HEATR1: variants seen among roughly 807,000 people sequenced by gnomAD.
The protein encoded by HEATR1 is HEAT repeat containing 1.
Under a neutral mutation model 248.2 loss-of-function variants are expected in HEATR1, and 77 were observed. The ratio of observed to expected loss-of-function variants is 0.31; its 90% confidence interval spans 0.26 to 0.37. The LOEUF (loss-of-function observed/expected upper bound fraction) is 0.37. Among genes scored for constraint, HEATR1 ranks in the 10% least tolerant of loss-of-function variants. The probability of loss-of-function intolerance (pLI) is 1.00; values close to 1 mark genes in which losing one functional copy is unlikely to be tolerated. For synonymous variants in HEATR1, 897 were observed against 923.1 expected (o/e 0.97, Z 0.51); for missense variants, 2,420 against 2,504.9 (o/e 0.97, Z 0.72).
At chr1:236,584,150 A>G (rs1663825260) in intron 17 of HEATR1, among the ~76,000 whole-genome samples, 1 of 152,204 alleles carries the variant, frequency 6.6e-6, no homozygotes, top group African/African-American at 2.4e-5. Context: ...GACCTCGAGA[A>G]AGGTATTAAA....
rs10692063 is a variant in HEATR1 at position 236,580,519 on chromosome 1, C to CTTTTTTTTTTTTT, written c.2755+690_2755+702dup. Among the ~76,000 whole-genome samples, 6 of 132,128 alleles carry CTTTTTTTTTTTTT rather than the reference C, an allele frequency of 4.5e-5. 2 individuals carry two copies. The highest frequency in any genetic ancestry group is 1.6e-5 in the Non-Finnish European group (1 of 63,274). The allele number at this position is 132,128 out of a possible 152,430, so 86.7% of individuals were successfully genotyped here. On this transcript the variant is annotated intron_variant, in intron 20 of 44. Transcript: ENST00000366582. ...CAGAAATATGTATAGATGTACAGCC[C>CTTTTTTTTTTTTT]TTTTTTTTTTTTTTTGAGACAGGGT...
At chr1:236,594,518 T>C (rs984729674) in intron 8 of HEATR1, among the ~76,000 whole-genome samples, 1 of 152,220 alleles carries the variant, frequency 6.6e-6, no homozygotes, top group Admixed American at 6.5e-5. Context: ...CTATTTCAGA[T>C]TTATAATAAA....
In HEATR1 at chr1:236,583,175, T is replaced by A. The variant is rs770677548; in HGVS notation, c.2263A>T (p.Ile755Phe). Reference sequence around the variant, plus strand: ...ATCCCTCTGTCTAACATCAGTTCAATGTGCCATTCTGAGGGGATTTCCTGA... The same window carrying A: ...ATCCCTCTGTCTAACATCAGTTCAAAGTGCCATTCTGAGGGGATTTCCTGA... ...TAVEIPSEWHIELMLDRGIPV... is the reference protein window; with the variant it reads ...TAVEIPSEWHFELMLDRGIPV... Residue 755 changes from isoleucine to phenylalanine, a missense_variant, in exon 18 of 45, where the codon ATT (isoleucine) becomes TTT (phenylalanine). By Grantham distance (21) the Ile-to-Phe change is conservative. Transcript: ENST00000366582. 15 of 1,601,724 alleles carry A rather than the reference T, an allele frequency of 9.4e-6. No individual in the cohort carries two copies. The highest frequency in any genetic ancestry group is 1.2e-5 in the Non-Finnish European group (14 of 1,175,312).
rs1396740219 is a variant in HEATR1, at chr1:236,585,104, G to T, written c.2162C>A (p.Thr721Asn). 1 of 1,613,996 alleles carries T rather than the reference G, an allele frequency of 6.2e-7. No individual in the cohort carries two copies. Among genetic ancestry groups the T allele is most frequent in the East Asian group, 2.2e-5 (1 of 44,866 alleles). ...GACTCTTATCGCAAATGGAAAGTGG[G>T]TTTCTTTTAAAGATGAACAACAAGA... is the stretch of plus-strand genomic sequence containing the variant. ...LVSCCSSLKE[T>N]HFPFAIRVFS... The change falls in exon 17 of 45, where the codon ACC becomes AAC. Residue 721 changes from threonine (T) to asparagine (N), a missense_variant. Transcript: ENST00000366582.
At chr1:236,602,424 C>T (rs1387512641) in intron 3 of HEATR1, among the ~76,000 whole-genome samples, 1 of 152,174 alleles carries the variant, frequency 6.6e-6, no homozygotes, top group Non-Finnish European at 1.5e-5. Flanking sequence ...TGAGATAATG[C>T]AGATAAAGTG....
chr1:236,569,183 T>C, intron 28 of HEATR1, 59 bp from the exon 29 acceptor site: 6 of 1,414,476 alleles, frequency 4.2e-6, no homozygotes, highest in Non-Finnish European at 5.8e-6. Context: ...CTAATTTTTT[T>C]TTCAAGAGAT....
intron 9 of HEATR1, 100 bp from the exon 10 acceptor site, chr1:236,592,733 CATACTT>C (rs1248215191): frequency 1.1e-5 from 6 of 563,256 alleles, no homozygotes; most frequent in Non-Finnish European, 1.6e-5. Context: ...CTCTAATTGT[CATACTT>C]ATACAAGGTA....
At chr1:236,595,738 G>A in intron 7 of HEATR1, 65 bp from the exon 8 acceptor site, 4 of 1,529,286 alleles carry the variant, frequency 2.6e-6, no homozygotes, top group Non-Finnish European at 3.6e-6. Flanking sequence ...AACAATATAA[G>A]AAAATATATA....
chr1:236,574,673 T>C lies in HEATR1; in HGVS notation c.3315A>G (p.Thr1105=), dbSNP rs1297040977. ...LYAGMPTIQI[T]ALEKITKPFF... The stretch of plus-strand genomic sequence containing the variant: ...AGAAATCACTGACCTTTTCAAGGGC[T>C]GTGATCTGAATGGTTGGCATTCCCG... The change falls in exon 23 of 45, where the codon ACA becomes ACG. Residue 1105 remains threonine (T), a synonymous_variant. Coordinates refer to ENST00000366582, the MANE Select transcript of HEATR1 (RefSeq NM_018072.6). 8 of 1,613,388 alleles carry C rather than the reference T, an allele frequency of 5.0e-6. No individual in the cohort carries two copies. Among genetic ancestry groups the C allele is most frequent in the African/African-American group, 1.3e-5 (1 of 74,882 alleles).
rs199776668 is a variant in HEATR1 at position 236,554,581 on chromosome 1, T to C, written c.6078+17A>G. 1.6e-4 allele frequency: 258 copies of C among 1,607,726 alleles called. No homozygotes were observed. Among genetic ancestry groups the C allele is most frequent in the African/African-American group, 3.2e-4 (24 of 74,462 alleles). The stretch of plus-strand genomic sequence containing the variant: ...TGATGGCTTCCTCAGCAACGAAAGA[T>C]GATTCTGTTTGGTTACCTGATCCAC... On this transcript the variant is annotated intron_variant, in intron 42 of 44. Transcript: ENST00000366582.
rs536210851 is a variant in HEATR1 at position 236,569,388 on chromosome 1, ACCCAGGCTGGTCTTGAACT to A, written c.3949-283_3949-265del. Among the ~76,000 whole-genome samples the A allele has an allele frequency of 1.8e-4, 28 of 151,994 alleles. 2 individuals are homozygous for A. In the East Asian group the frequency reaches 4.4e-3, roughly 24 times the overall value. On this transcript the variant is annotated intron_variant, in intron 28 of 44. Coordinates refer to ENST00000366582, the MANE Select transcript of HEATR1 (RefSeq NM_018072.6). ...TGTAAGGGTGGGGTCTCACTATGTT[ACCCAGGCTGGTCTTGAACT>A]CCCAGGCTGGTCTTGAACTCCTGGC...
Position 236,603,257 on chromosome 1 carries a change from T to G in HEATR1, c.262A>C (p.Lys88Gln), listed in dbSNP as rs761927377. The change falls in exon 3 of 45, where the codon AAA becomes CAA. Residue 88 changes from lysine to glutamine, a missense_variant. Lys to Gln is a moderately conservative substitution (Grantham distance 53). Transcript: ENST00000366582. Reference protein sequence around the residue: ...ERSVQTKAVNKQLDENISLFL... With the variant: ...ERSVQTKAVNQQLDENISLFL... The stretch of plus-strand genomic sequence containing the variant: ...AATGAAATGTTTTCATCCAACTGTT[T>G]GTTTACTGCTTTGGTCTGAACACTT... The G allele has an allele frequency of 1.9e-6, 3 of 1,614,184 alleles. No homozygotes were observed. The South Asian group carries it at 3.3e-5, about 18-fold the overall frequency.
rs764382158 is a variant in HEATR1, at chr1:236,564,538, A to G, written c.4559T>C (p.Phe1520Ser). 5.0e-6 allele frequency: 8 copies of G among 1,613,852 alleles called. No individual in the cohort carries two copies. Among genetic ancestry groups the G allele is most frequent in the African/African-American group, 2.7e-5 (2 of 74,948 alleles). Residue 1520 changes from phenylalanine to serine, a missense_variant, in exon 32 of 45, where the codon TTC becomes TCC. Transcript: ENST00000366582. ...LRHFKFLSVSFMSQLLSSNNF... is the reference protein window; with the variant it reads ...LRHFKFLSVSSMSQLLSSNNF... ...ATTGGAAGACAGGAGCTGAGACATG[A>G]AGGACACTGACAAAAATTTAAAATG...
At chr1:236,594,514 C>T (rs1289350169) in intron 8 of HEATR1, among the ~76,000 whole-genome samples, 1 of 152,182 alleles carries the variant, frequency 6.6e-6, no homozygotes, top group Non-Finnish European at 1.5e-5. Context: ...TCATCTATTT[C>T]AGATTTATAA....
rs1663731620 is a variant in HEATR1 at position 236,581,306 on chromosome 1, T to C, written c.2671A>G (p.Thr891Ala). 6.2e-7 allele frequency: 1 copy of C among 1,613,612 alleles called. No homozygotes were observed. The highest frequency in any genetic ancestry group is 1.7e-4 in the Middle Eastern group (1 of 6,060). The change falls in exon 20 of 45, where the codon ACT becomes GCT. Residue 891 changes from threonine to alanine, a missense_variant. By Grantham distance (58) the Thr-to-Ala change is moderately conservative. Coordinates refer to ENST00000366582, the MANE Select transcript of HEATR1 (RefSeq NM_018072.6). ...GCACAGCCCACATAAAGAGCTTGAG[T>C]CTGCAGCACTGTTTTCACACTGCAG... Reference protein sequence around the residue: ...LNCSVKTVLQTQALYVGCAML... With the variant: ...LNCSVKTVLQAQALYVGCAML...
intron 43 of HEATR1, 177 bp from the exon 44 acceptor site, chr1:236,552,284 CTGTT>C (rs1572028771): frequency 4.1e-6 from 2 of 491,462 alleles, no homozygotes; most frequent in African/African-American, 3.9e-5. Context: ...CATTTGGGAG[CTGTT>C]TGTAATATGT....
At chr1:236,575,962 C>A (rs1033797297) in intron 22 of HEATR1, among the ~76,000 whole-genome samples, 1 of 152,152 alleles carries the variant, frequency 6.6e-6, no homozygotes, top group African/African-American at 2.4e-5. Flanking sequence ...CTGTTAAGTT[C>A]ATTTAAAATA....
chr1:236,574,610 C>T (rs761995066), intron 23 of HEATR1, 51 bp downstream of exon 23: 2 of 1,558,480 alleles, frequency 1.3e-6, no homozygotes, highest in Admixed American at 2.0e-5. Context: ...TGCCTTCTAC[C>T]TTTAAATGCT....
Position 236,587,448 on chromosome 1 carries a change from G to A in HEATR1, c.1669C>T (p.Leu557Phe), listed in dbSNP as rs140131566. The A allele has an allele frequency of 7.8e-6, 12 of 1,539,508 alleles. No individual in the cohort carries two copies. The African/African-American group carries it at 1.2e-4, about 16-fold the overall frequency. The part of the protein sequence containing the change: ...HFSSEVTISN[L>F]LNLFQRAELS... ...TCTGCTCTTTGAAAGAGATTCAGAA[G>A]ATTTGAAATCGTCACTTCTGAACTG... The change falls in exon 14 of 45, where the codon CTT becomes TTT. Residue 557 changes from leucine to phenylalanine, a missense_variant. Physicochemically the swap from Leu to Phe is conservative, Grantham distance 22 (BLOSUM62 0). Transcript: ENST00000366582.
Sources: gnomAD v4.1 joint callset for allele counts (sites outside exome capture counted in the v4.1 genomes callset) on GRCh38, gnomAD v4.1.1 for gene constraint, MANE v1.5 for transcripts, NCBI Gene and HGNC (gene_info 2026-07-23, HGNC 2026-07-21) for gene names.